DNAH2: variants seen among roughly 807,000 people sequenced by gnomAD.
The protein encoded by DNAH2 is dynein axonemal heavy chain 2, also known as axonemal beta dynein heavy chain 2.
In DNAH2, 323 loss-of-function variants were observed where a neutral mutation model predicts 523.5. The observed-to-expected ratio is 0.62, with a 90% CI of 0.56 to 0.68. DNAH2 has a LOEUF of 0.68. DNAH2 is among the 30% of genes least tolerant of loss of function. The pLI, the probability that DNAH2 is intolerant of heterozygous loss-of-function variation, is 0.00. For synonymous variants in DNAH2, 2,093 were observed against 2,177.4 expected, an observed-to-expected ratio of 0.96 and a Z score of 1.08; for missense variants, 4,907 against 5,701.5, an observed-to-expected ratio of 0.86 and a Z score of 4.49.
At chr17:7,784,614 C>T (rs561947303) in intron 39 of DNAH2, among the ~76,000 whole-genome samples, 1 of 152,094 alleles carries the variant, frequency 6.6e-6, no homozygotes, top group South Asian at 2.1e-4. Flanking sequence ...ATTGTTGGAC[C>T]ATGTAGGAAA....
chr17:7,766,552 G>T (rs17733320), intron 22 of DNAH2, 71 bp downstream of exon 22: 444,074 of 1,475,976 alleles, frequency 0.3, 73,328 homozygotes, highest in Non-Finnish European at 0.34. Context: ...GGTCCTTAGC[G>T]CCCACAAAGG....
At position 7,759,262 on chromosome 17, in the gene DNAH2, C is replaced by T. The variant is rs910207258; in HGVS notation, c.2448+138C>T. 1.0e-5 allele frequency: 15 copies of T among 1,439,666 alleles called. No homozygotes were observed. The Admixed American group carries it at 1.6e-4, about 15-fold the overall frequency. 89.2% of individuals were successfully genotyped at this position (1,439,666 alleles called of 1,614,324 possible). A position where few individuals can be genotyped will look rare whatever the true frequency, so the allele number is the denominator to read the frequency against. ...TCAAACATCGTGCTCTAGTCTTGGACTCAGCCAACCTTCAGTCCTCACACC... is the reference window on the plus strand; with the variant it reads ...TCAAACATCGTGCTCTAGTCTTGGATTCAGCCAACCTTCAGTCCTCACACC... On this transcript the variant is annotated intron_variant, in intron 15 of 85. Transcript: ENST00000572933.
chr17:7,788,117 A>C lies in DNAH2; in HGVS notation c.6773A>C (p.Glu2258Ala). The C allele has an allele frequency of 1.2e-6, 2 of 1,614,232 alleles. No individual in the cohort carries two copies. Among genetic ancestry groups the C allele is most frequent in the Non-Finnish European group, 1.7e-6 (2 of 1,180,036 alleles). Residue 2258 changes from glutamate to alanine, a missense_variant, in exon 44 of 86, where the codon GAA (glutamate) becomes GCA (alanine). Around this residue, in one of 3 missense-constraint regions of DNAH2, gnomAD observed 2,806 missense variants for 3,190.8 expected, o/e 0.88. Coordinates refer to ENST00000572933, the MANE Select transcript of DNAH2 (RefSeq NM_020877.5). ...GTGGAGCCCCTTCAACGCATGTTCG[A>C]AAAGCTCATCAACAAGATGCTGGCC... ...AEVEPLQRMFEKLINKMLAFK... is the reference protein window; with the variant it reads ...AEVEPLQRMFAKLINKMLAFK...
chr17:7,823,294 C>CAAA (rs34255363), intron 73 of DNAH2, 148 bp from the exon 74 acceptor site: 2,167 of 539,680 alleles, frequency 4.0e-3, no homozygotes, highest in Non-Finnish European at 4.8e-3. Context: ...GACTCCATCT[C>CAAA]AAAAAAAAAA....
At chr17:7,792,616 G>A (rs1195566719) in intron 46 of DNAH2, 41 bp from the exon 47 acceptor site, 3 of 1,531,490 alleles carry the variant, frequency 2.0e-6, no homozygotes, top group African/African-American at 1.4e-5. Context: ...GGAAAGGAGT[G>A]GGCGGCTGGT....
rs201542355 is a variant in DNAH2, at chr17:7,749,259, GA to G, written c.1904+6118del. Among the ~76,000 whole-genome samples, 381 of 125,516 alleles carry G rather than the reference GA, an allele frequency of 3.0e-3. 1 individual carries two copies. The highest frequency in any genetic ancestry group is 7.1e-3 in the Admixed American group (71 of 10,064). 82.3% of individuals were successfully genotyped at this position (125,516 alleles called of 152,430 possible). A position where few individuals can be genotyped will look rare whatever the true frequency, so the allele number is the denominator to read the frequency against. On this transcript the variant is annotated intron_variant, in intron 12 of 85. Transcript: ENST00000572933. ...GGAGGCAGAGGTTGTGGTGAGCCGA[GA>G]TTGCGCCATTGCACTCCAGCCTGGG...
chr17:7,826,326 G>A (rs1225703221), intron 77 of DNAH2, among the ~76,000 whole-genome samples: 1 of 152,100 alleles, frequency 6.6e-6, no homozygotes, highest in East Asian at 1.9e-4. Context: ...ACCGTGCCCA[G>A]CCTGAGTTTT....
intron 3 of DNAH2, among the ~76,000 whole-genome samples, chr17:7,726,616 T>C (rs1044082511): frequency 1.3e-5 from 2 of 152,118 alleles, no homozygotes; most frequent in Non-Finnish European, 2.9e-5. Flanking sequence ...TTTGGTGTTT[T>C]TGTGTCTTTT....
rs370028613 is a variant in DNAH2 at position 7,793,111 on chromosome 17, T to A, written c.7475T>A (p.Met2492Lys). ...MDDLNMPAKD[M>K]FGSQPPLELI... ...GACCTAAATATGCCCGCTAAGGACA[T>A]GTTTGGGTCCCAGCCACCCCTGGAG... Residue 2492 changes from methionine to lysine, a missense_variant, in exon 48 of 86, where the codon ATG (methionine) becomes AAG (lysine). Coordinates refer to ENST00000572933, the MANE Select transcript of DNAH2 (RefSeq NM_020877.5). The A allele has an allele frequency of 1.2e-6, 2 of 1,614,162 alleles. No homozygotes were observed. The highest frequency in any genetic ancestry group is 1.7e-6 in the Non-Finnish European group (2 of 1,180,042).
At chr17:7,749,778 C>T (rs1350253712) in intron 12 of DNAH2, among the ~76,000 whole-genome samples, 2 of 151,846 alleles carry the variant, frequency 1.3e-5, no homozygotes, top group African/African-American at 2.4e-5. Context: ...GGGTGGATCA[C>T]GAGGTCAGGA....
rs1414693504 is a variant in DNAH2 at position 7,797,531 on chromosome 17, G to A, written c.8080+1G>A. The A allele has an allele frequency of 6.2e-7, 1 of 1,614,146 alleles. No homozygotes were observed. The highest frequency in any genetic ancestry group is 1.1e-5 in the South Asian group (1 of 91,082). On this transcript the variant is annotated splice_donor_variant, in intron 52 of 85. Coordinates refer to ENST00000572933, the MANE Select transcript of DNAH2 (RefSeq NM_020877.5). LOFTEE classifies it high-confidence loss of function. ...CCCAGCAAGCGTCCTCCTATCTTTGGTGAGCCAGGAGCTGTGATGACCTTG... is the reference window on the plus strand; with the variant it reads ...CCCAGCAAGCGTCCTCCTATCTTTGATGAGCCAGGAGCTGTGATGACCTTG...
At chr17:7,819,096 C>T (rs780671930) in intron 71 of DNAH2, 33 bp downstream of exon 71, 1 of 1,600,314 alleles carries the variant, frequency 6.2e-7, no homozygotes, top group Non-Finnish European at 8.5e-7. Context: ...CTGCCTCCCA[C>T]CAGCCATCCA....
intron 85 of DNAH2, 73 bp from the exon 86 acceptor site, chr17:7,833,306 C>G: frequency 6.2e-7 from 1 of 1,607,306 alleles, no homozygotes; most frequent in South Asian, 1.1e-5. Context: ...CATCCCACAC[C>G]CGCTCCTGCC....
chr17:7,822,404 C>T (rs1403920989), intron 73 of DNAH2, among the ~76,000 whole-genome samples: 1 of 152,228 alleles, frequency 6.6e-6, no homozygotes, highest in Non-Finnish European at 1.5e-5. Context: ...GCACGTCTCG[C>T]CTCAGGGCCT....
chr17:7,819,431 C>A, intron 72 of DNAH2, 23 bp downstream of exon 72: 1 of 1,613,528 alleles, frequency 6.2e-7, no homozygotes, highest in Non-Finnish European at 8.5e-7. Flanking sequence ...CCCCAACATG[C>A]CCCAGCCCGG....
At chr17:7,749,892 G>A (rs2075636858) in intron 12 of DNAH2, among the ~76,000 whole-genome samples, 1 of 152,128 alleles carries the variant, frequency 6.6e-6, no homozygotes, top group African/African-American at 2.4e-5. Flanking sequence ...CTACTCAGGA[G>A]GCTGAGGCAG....
At chr17:7,759,158 A>G (rs1449552861) in intron 15 of DNAH2, 34 bp downstream of exon 15, 2 of 1,609,918 alleles carry the variant, frequency 1.2e-6, no homozygotes, top group African/African-American at 1.3e-5. Context: ...TTGTGGTTGG[A>G]AAAACCACAG....
intron 31 of DNAH2, 151 bp from the exon 32 acceptor site, chr17:7,776,628 C>T: frequency 1.7e-6 from 1 of 591,954 alleles, no homozygotes; most frequent in Non-Finnish European, 3.0e-6. Flanking sequence ...GGACCCTTAG[C>T]TCCTGACCTG....
chr17:7,826,161 A>G (rs1002628860), intron 77 of DNAH2, among the ~76,000 whole-genome samples: 1 of 152,208 alleles, frequency 6.6e-6, no homozygotes, highest in African/African-American at 2.4e-5. Flanking sequence ...CTGGGACTAC[A>G]GGTGTGCGCC....
Sources: gnomAD v4.1 joint callset for allele counts (sites outside exome capture counted in the v4.1 genomes callset) on GRCh38, gnomAD v4.1.1 for gene constraint, gnomAD v4.1.1 regional missense constraint, MANE v1.5 for transcripts, NCBI Gene and HGNC (gene_info 2026-07-23, HGNC 2026-07-21) for gene names.